Variants in POLA1 observed in about 807,000 individuals in gnomAD.
The protein encoded by POLA1 is DNA polymerase alpha catalytic subunit.
In POLA1, 15 loss-of-function variants were observed where a neutral mutation model predicts 124.0. The observed-to-expected ratio is 0.12, with a 90% CI of 0.08 to 0.19. POLA1 has a LOEUF of 0.19. POLA1 is among the 10% of genes least tolerant of loss of function. The pLI is 1.00. For synonymous variants in POLA1, 408 were observed against 389.4 expected, an observed-to-expected ratio of 1.05 and a Z score of -0.56; for missense variants, 886 against 1,103.4, an observed-to-expected ratio of 0.80 and a Z score of 2.79.
chrX:24,933,553 C>T (rs948111881), intron 36 of POLA1, among the ~76,000 whole-genome samples: 1 of 111,705 alleles, frequency 9.0e-6, no homozygotes, highest in Non-Finnish European at 1.9e-5. Flanking sequence ...AACAAGTGCC[C>T]CGTAACTGGT....
intron 36 of POLA1, among the ~76,000 whole-genome samples, chrX:24,943,725 T>C (rs1484046180): frequency 8.9e-6 from 1 of 112,634 alleles, no homozygotes; most frequent in Admixed American, 9.4e-5. Flanking sequence ...CTTGTCAAAA[T>C]AAATGAATGA....
chrX:24,695,205 A>G (rs1927897218), intron 1 of POLA1, among the ~76,000 whole-genome samples: 1 of 111,811 alleles, frequency 8.9e-6, no homozygotes, highest in Non-Finnish European at 1.9e-5. Context: ...AGACTGCTGT[A>G]AGCTAGTGTC....
intron 35 of POLA1, among the ~76,000 whole-genome samples, chrX:24,905,315 G>A (rs1406329510): frequency 9.4e-6 from 1 of 106,020 alleles, no homozygotes; most frequent in Non-Finnish European, 1.9e-5. Context: ...ATTGAAAGAA[G>A]ACCCTGAGAC....
chrX:24,913,743 G>T (rs2047487000), intron 35 of POLA1, among the ~76,000 whole-genome samples: 1 of 100,944 alleles, frequency 9.9e-6, no homozygotes, highest in South Asian at 4.6e-4. Flanking sequence ...AACAGTCATG[G>T]TAAGCCGGGC....
At chrX:24,801,580 C>A (rs2045704465) in intron 26 of POLA1, among the ~76,000 whole-genome samples, 1 of 110,828 alleles carries the variant, frequency 9.0e-6, no homozygotes, top group South Asian at 3.9e-4. Context: ...TCATTAATAT[C>A]ATTCGGTTGG....
chrX:24,959,813 G>A (rs968414036), intron 36 of POLA1, among the ~76,000 whole-genome samples: 2 of 111,423 alleles, frequency 1.8e-5, no homozygotes, highest in African/African-American at 6.5e-5. Flanking sequence ...TTTATTTTAG[G>A]GGTTTTAAAA....
At chrX:24,937,043 CA>C (rs1215966932) in intron 36 of POLA1, among the ~76,000 whole-genome samples, 2 of 111,358 alleles carry the variant, frequency 1.8e-5, no homozygotes, top group Non-Finnish European at 3.8e-5. Flanking sequence ...CATTTTCTTA[CA>C]AATAAAAAAA....
chrX:24,874,733 G>A (rs991957678), intron 34 of POLA1, among the ~76,000 whole-genome samples: 1 of 111,517 alleles, frequency 9.0e-6, no homozygotes, highest in Non-Finnish European at 1.9e-5. Context: ...ACCAGCAGCG[G>A]CAGTATCACC....
At chrX:24,930,948 C>G (rs1478192707) in intron 36 of POLA1, among the ~76,000 whole-genome samples, 1 of 111,739 alleles carries the variant, frequency 8.9e-6, no homozygotes, top group Admixed American at 9.5e-5. Flanking sequence ...CTCTGCTGTT[C>G]GCTAAAAGCC....
At chrX:24,711,557 A>C (rs1569275710) in intron 4 of POLA1, among the ~76,000 whole-genome samples, 1 of 112,260 alleles carries the variant, frequency 8.9e-6, no homozygotes, top group East Asian at 2.8e-4. Context: ...CCTCAGAGAA[A>C]ATTCCCAGAA....
rs2048109549 is a variant in POLA1, at chrX:24,956,583, C to CT, written c.4261+26037dup. On this transcript the variant is annotated intron_variant, in intron 36 of 36. Coordinates refer to ENST00000379068, the MANE Select transcript of POLA1 (RefSeq NM_001330360.2). The stretch of plus-strand genomic sequence containing the variant: ...ATGCTACATTCTATATCCCCCGCCC[C>CT]TTTGTTGTTTTCAATGTATATTAGC... Among the ~76,000 whole-genome samples, 3 of 110,830 alleles carry CT rather than the reference C, an allele frequency of 2.7e-5. No individual in the cohort carries two copies. In the South Asian group the frequency reaches 1.1e-3, roughly 42 times the overall value.
At chrX:24,732,969 G>A (rs1032291496) in intron 16 of POLA1, among the ~76,000 whole-genome samples, 1 of 112,125 alleles carries the variant, frequency 8.9e-6, no homozygotes, top group African/African-American at 3.2e-5. Context: ...TGTTTTATGA[G>A]TCAGTCTCCA....
chrX:24,937,344 TAGTA>T (rs1375123298), intron 36 of POLA1, among the ~76,000 whole-genome samples: 2 of 111,721 alleles, frequency 1.8e-5, no homozygotes, highest in Non-Finnish European at 3.8e-5. Flanking sequence ...GTAGAAAAAT[TAGTA>T]AGGAACACTA....
At chrX:24,846,053 C>A (rs2046472846) in intron 34 of POLA1, among the ~76,000 whole-genome samples, 1 of 111,961 alleles carries the variant, frequency 8.9e-6, no homozygotes, top group African/African-American at 3.2e-5. Context: ...TTTGGGGTAA[C>A]AAAGTATACT....
At chrX:24,790,892 C>A (rs114242521) in intron 26 of POLA1, among the ~76,000 whole-genome samples, 2,000 of 92,243 alleles carry the variant, frequency 0.022, 25 homozygotes, top group Non-Finnish European at 0.033. Context: ...ACAGCCCCCA[C>A]TCATTTATTT....
chrX:24,768,501 GGTT>G (rs1178617371), intron 26 of POLA1, among the ~76,000 whole-genome samples: 1 of 112,281 alleles, frequency 8.9e-6, no homozygotes, highest in African/African-American at 3.2e-5. Context: ...GAAGGTCATA[GGTT>G]GTTTGCCTTA....
At chrX:24,808,982 C>T (rs1168759863) in intron 26 of POLA1, among the ~76,000 whole-genome samples, 2 of 111,574 alleles carry the variant, frequency 1.8e-5, no homozygotes, top group African/African-American at 6.5e-5. Context: ...ATACTCGAGT[C>T]AGAATGCTTG....
At chrX:24,836,131 G>T (rs1229598006) in intron 32 of POLA1, among the ~76,000 whole-genome samples, 1 of 111,821 alleles carries the variant, frequency 8.9e-6, no homozygotes, top group East Asian at 2.8e-4. Context: ...CACAAATTGC[G>T]TCTTTGTTCT....
chrX:24,818,572 C>T (rs181987783), intron 30 of POLA1, among the ~76,000 whole-genome samples: 167 of 111,420 alleles, frequency 1.5e-3, no homozygotes, highest in African/African-American at 5.0e-3. Flanking sequence ...ATTTCTTGGT[C>T]TTAGGACACC....
Sources: gnomAD v4.1 joint callset for allele counts (sites outside exome capture counted in the v4.1 genomes callset) on GRCh38, gnomAD v4.1.1 for gene constraint, MANE v1.5 for transcripts, NCBI Gene and HGNC (gene_info 2026-07-23, HGNC 2026-07-21) for gene names.